USP53: variants seen among roughly 807,000 people sequenced by gnomAD.
USP53 encodes ubiquitin specific peptidase 53.
A neutral mutation model predicts 94.9 loss-of-function variants in USP53; 71 were observed. The observed-to-expected ratio is 0.75, with a 90% CI of 0.62 to 0.91. The LOEUF is 0.91. Ranked by LOEUF, USP53 falls within the 40% of genes least tolerant of loss-of-function variation. The pLI is 0.00. For missense variants in USP53, 1,173 were observed against 1,281.0 expected (o/e 0.92, Z 1.29); for synonymous variants, 375 against 422.7 (o/e 0.89, Z 1.39).
At position 119,285,546 on chromosome 4, in the gene USP53, G is replaced by A. The variant is rs550116500; in HGVS notation, c.2252-5619G>A. 3.0e-3 allele frequency among the ~76,000 whole-genome samples: 454 copies of A among 151,906 alleles called. 1 individual carries two copies. Among genetic ancestry groups the A allele is most frequent in the Non-Finnish European group, 5.2e-3 (355 of 67,734 alleles). ...AATCAGTGGTTTAAAAATCTGTTAAGTCCCTTATTTCTTCTTGTACAAATA... is the reference window on the plus strand; with the variant it reads ...AATCAGTGGTTTAAAAATCTGTTAAATCCCTTATTTCTTCTTGTACAAATA... On this transcript the variant is annotated intron_variant, in intron 17 of 18. Coordinates refer to ENST00000692078, the MANE Select transcript of USP53 (RefSeq NM_001371395.1).
In USP53 at chr4:119,291,158, A is replaced by AC; in HGVS notation, c.2252-4dup. The AC allele has an allele frequency of 7.8e-7, 1 of 1,284,350 alleles. No individual in the cohort carries two copies. The highest frequency in any genetic ancestry group is 1.1e-6 in the Non-Finnish European group (1 of 918,508). 79.6% of individuals were successfully genotyped at this position (1,284,350 alleles called of 1,614,324 possible). ...TCATCTCTTCTCCCCACCCCACCCA[A>AC]CCCTAGGCTTTAGAAAAGAACTCAG... is the stretch of plus-strand genomic sequence containing the variant. On this transcript the variant is annotated splice_polypyrimidine_tract_variant and splice_region_variant and intron_variant, in intron 17 of 18. Transcript: ENST00000692078.
In USP53 at chr4:119,277,845, C is replaced by T. The variant is rs1287332852; in HGVS notation, c.2251+4137C>T. Among the ~76,000 whole-genome samples, 2 of 111,188 alleles carry T rather than the reference C, an allele frequency of 1.8e-5. 1 individual carries two copies. Among genetic ancestry groups the T allele is most frequent in the Non-Finnish European group, 4.1e-5 (2 of 49,248 alleles). 72.9% of individuals were successfully genotyped at this position (111,188 alleles called of 152,430 possible). A position where few individuals can be genotyped will look rare whatever the true frequency, so the allele number is the denominator to read the frequency against. On this transcript the variant is annotated intron_variant, in intron 17 of 18. Transcript: ENST00000692078. ...CTTCTTGTTGAATTTATCCCTTTAC[C>T]ATTATGTAATGGCCTTCTTTGTCTC...
chr4:119,227,292 CACACACAA>C (rs1383273127), intron 3 of USP53, among the ~76,000 whole-genome samples: 10 of 145,142 alleles, frequency 6.9e-5, no homozygotes, highest in African/African-American at 2.5e-4. Context: ...CACACACACA[CACACACAA>C]ACTTGAAATG....
intron 18 of USP53, among the ~76,000 whole-genome samples, chr4:119,291,539 A>G (rs1162546896): frequency 2.0e-5 from 3 of 152,170 alleles, no homozygotes; most frequent in Non-Finnish European, 2.9e-5. Context: ...TGTGACCAAA[A>G]CTATCGAGCT....
intron 13 of USP53, among the ~76,000 whole-genome samples, chr4:119,267,995 GTC>G (rs1044653454): frequency 2.6e-5 from 4 of 151,768 alleles, no homozygotes; most frequent in African/African-American, 9.7e-5. Context: ...GTGAAACCCC[GTC>G]TCTACTAAAA....
chr4:119,260,474 T>C, intron 10 of USP53, 33 bp from the exon 11 acceptor site: 1 of 1,597,334 alleles, frequency 6.3e-7, no homozygotes, highest in Admixed American at 1.7e-5. Context: ...TTATCTGTTT[T>C]CATAATTTTA....
chr4:119,256,594 A>G, intron 9 of USP53, 71 bp downstream of exon 9: 1 of 1,479,696 alleles, frequency 6.8e-7, no homozygotes, highest in Non-Finnish European at 9.4e-7. Context: ...CACTTATTTT[A>G]TAAAATCATA....
In USP53 at chr4:119,293,804, G is replaced by A. The variant is rs1229009086; in HGVS notation, c.*593G>A. ...GTTTTTGACTTCTATGATAGTCACT[G>A]CATATGATCCCTTTAAGTGTCTTTA... On this transcript the variant is annotated 3_prime_UTR_variant, in exon 19 of 19. Transcript: ENST00000692078. The A allele has an allele frequency of 7.1e-6, 1 of 140,864 alleles. No homozygotes were observed. The highest frequency in any genetic ancestry group is 2.7e-5 in the African/African-American group (1 of 37,712). 8.7% of individuals were successfully genotyped at this position (140,864 alleles called of 1,614,324 possible). A position where few individuals can be genotyped will look rare whatever the true frequency, so the allele number is the denominator to read the frequency against.
rs1751621477 is a variant in USP53 at position 119,269,797 on chromosome 4, T to G, written c.1395T>G (p.Asp465Glu). ...ACTTACTTTCTTCACAAAGGAAAGATTTAGAGAAGGGACAAAGAAAAGATT... is the reference window on the plus strand; with the variant it reads ...ACTTACTTTCTTCACAAAGGAAAGAGTTAGAGAAGGGACAAAGAAAAGATT... ...QKNLLSSQRK[D>E]LEKGQRKDLG... The change falls in exon 15 of 19, where the codon GAT (aspartate) becomes GAG (glutamate). Residue 465 changes from aspartate (D) to glutamate (E), a missense_variant. Physicochemically the swap from Asp to Glu is conservative, Grantham distance 45. Coordinates refer to ENST00000692078, the MANE Select transcript of USP53 (RefSeq NM_001371395.1). The G allele has an allele frequency of 6.6e-7, 1 of 1,525,476 alleles. No individual in the cohort carries two copies. The highest frequency in any genetic ancestry group is 8.8e-7 in the Non-Finnish European group (1 of 1,137,936). 94.5% of individuals were successfully genotyped at this position (1,525,476 alleles called of 1,614,324 possible). A position where few individuals can be genotyped will look rare whatever the true frequency, so the allele number is the denominator to read the frequency against.
At chr4:119,252,726 T>C (rs139349279) in intron 7 of USP53, among the ~76,000 whole-genome samples, 2 of 152,338 alleles carry the variant, frequency 1.3e-5, no homozygotes, top group Admixed American at 1.3e-4. Context: ...TTTGTGTCTC[T>C]ATCTCCTTCA....
In USP53 at chr4:119,293,865, A is replaced by T. The variant is rs1015182919; in HGVS notation, c.*654A>T. On this transcript the variant is annotated 3_prime_UTR_variant, in exon 19 of 19. Coordinates refer to ENST00000692078, the MANE Select transcript of USP53 (RefSeq NM_001371395.1). Reference sequence around the variant, plus strand: ...CTTATGAATTTGATAGCATTTGGGGAAAAAAAGCCTTATATGATTAACAAT... The same window carrying T: ...CTTATGAATTTGATAGCATTTGGGGTAAAAAAGCCTTATATGATTAACAAT... The T allele has an allele frequency of 6.6e-6, 1 of 152,020 alleles. No individual in the cohort carries two copies. The highest frequency in any genetic ancestry group is 2.4e-5 in the African/African-American group (1 of 41,416). The allele number at this position is 152,020 out of a possible 1,614,324, so 9.4% of individuals were successfully genotyped here. A position where few individuals can be genotyped will look rare whatever the true frequency, so the allele number is the denominator to read the frequency against.
At chr4:119,221,785 G>T (rs1208889860) in intron 3 of USP53, among the ~76,000 whole-genome samples, 1 of 152,168 alleles carries the variant, frequency 6.6e-6, no homozygotes, top group Non-Finnish European at 1.5e-5. Flanking sequence ...GCCAGAAATG[G>T]ATTCACAAGG....
At chr4:119,240,635 C>G (rs1747398631) in intron 5 of USP53, among the ~76,000 whole-genome samples, 1 of 152,068 alleles carries the variant, frequency 6.6e-6, no homozygotes, top group African/African-American at 2.4e-5. Context: ...TAATGATTCA[C>G]TTTTCATATG....
At chr4:119,243,463 A>C (rs374453496) in intron 5 of USP53, among the ~76,000 whole-genome samples, 2 of 152,116 alleles carry the variant, frequency 1.3e-5, no homozygotes, top group Admixed American at 1.3e-4. Context: ...GCACCATCAC[A>C]CTCCAGCTTG....
At chr4:119,239,144 G>T (rs1366284278) in intron 4 of USP53, 74 bp from the exon 5 acceptor site, 4 of 151,876 alleles carry the variant, frequency 2.6e-5, no homozygotes, top group Non-Finnish European at 5.9e-5. Context: ...TTCAATATTT[G>T]TGTTCAAATG....
At chr4:119,232,757 T>G (rs557956845) in intron 3 of USP53, among the ~76,000 whole-genome samples, 6 of 152,326 alleles carry the variant, frequency 3.9e-5, no homozygotes, top group African/African-American at 1.4e-4. Flanking sequence ...ATAATTTTTG[T>G]ACCTATAATC....
chr4:119,289,845 A>C (rs981037243), intron 17 of USP53, among the ~76,000 whole-genome samples: 2 of 152,236 alleles, frequency 1.3e-5, no homozygotes, highest in Non-Finnish European at 2.9e-5. Flanking sequence ...AAACTCCTGT[A>C]CAAATCCAAA....
chr4:119,242,640 C>G (rs1398416812), intron 5 of USP53, among the ~76,000 whole-genome samples: 1 of 152,204 alleles, frequency 6.6e-6, no homozygotes, highest in Non-Finnish European at 1.5e-5. Flanking sequence ...GCCCTGCCAA[C>G]TCTAGCAGCT....
At chr4:119,291,689 A>G (rs970506425) in intron 18 of USP53, among the ~76,000 whole-genome samples, 3 of 152,110 alleles carry the variant, frequency 2.0e-5, no homozygotes, top group African/African-American at 7.2e-5. Context: ...GAAAATAACT[A>G]TTACCTAAAG....
Sources: gnomAD v4.1 joint callset for allele counts (sites outside exome capture counted in the v4.1 genomes callset) on GRCh38, gnomAD v4.1.1 for gene constraint, MANE v1.5 for transcripts, NCBI Gene and HGNC (gene_info 2026-07-23, HGNC 2026-07-21) for gene names.